The following LYPLAL1 variants were observed in gnomAD, a reference collection of about 807,000 sequenced individuals.
LYPLAL1 encodes the protein lysophospholipase-like protein 1.
LYPLAL1 carries 23 observed loss-of-function variants against 19.7 expected under a neutral mutation model. The observed-to-expected ratio is 1.17, with a 90% CI of 0.84 to 1.65. The LOEUF (loss-of-function observed/expected upper bound fraction) is 1.65. Among genes scored for constraint, LYPLAL1 ranks in the 40% most tolerant of loss-of-function variants. LYPLAL1 has a pLI of 0.00. For synonymous variants in LYPLAL1, 119 were observed against 96.3 expected, an observed-to-expected ratio of 1.24 and a Z score of -1.38; for missense variants, 355 against 279.4, an observed-to-expected ratio of 1.27 and a Z score of -1.93.
chr1:219,186,947 A>T (rs1178271111), intron 2 of LYPLAL1, among the ~76,000 whole-genome samples: 2 of 151,452 alleles, frequency 1.3e-5, no homozygotes. Context: ...GTTTTTTAAT[A>T]CACCATTTTA....
At chr1:219,285,862 A>G in the LYPLAL1 span, among the ~76,000 whole-genome samples, 17 of 152,276 alleles carry the variant, frequency 1.1e-4, no homozygotes, top group African/African-American at 3.9e-4. Flanking sequence ...AAAATGGTCA[A>G]TTTTACATTG....
the LYPLAL1 span, among the ~76,000 whole-genome samples, chr1:219,376,043 T>C: frequency 5.9e-5 from 9 of 152,288 alleles, no homozygotes; most frequent in Non-Finnish European, 1.2e-4. Context: ...ACCTGGCCTA[T>C]GCTTCCTGAT....
At chr1:219,257,613 G>T in the LYPLAL1 span, among the ~76,000 whole-genome samples, 5 of 152,016 alleles carry the variant, frequency 3.3e-5, no homozygotes, top group Non-Finnish European at 7.4e-5. Flanking sequence ...TGTATGAACT[G>T]GGAGTAGGTA....
At chr1:219,374,090 T>C in the LYPLAL1 span, among the ~76,000 whole-genome samples, 1 of 151,894 alleles carries the variant, frequency 6.6e-6, no homozygotes, top group African/African-American at 2.4e-5. Context: ...AAATATAACA[T>C]TGGTTTTACA....
At chr1:219,190,627 A>AAAAAAC (rs1657092235) in intron 2 of LYPLAL1, among the ~76,000 whole-genome samples, 1 of 149,768 alleles carries the variant, frequency 6.7e-6, no homozygotes, top group Non-Finnish European at 1.5e-5. Flanking sequence ...TCCAGTAAAA[A>AAAAAAC]AAAAAAAAAA....
At chr1:219,372,141 C>T in the LYPLAL1 span, among the ~76,000 whole-genome samples, 3 of 152,120 alleles carry the variant, frequency 2.0e-5, no homozygotes, top group African/African-American at 7.2e-5. Context: ...TCAATAAAAT[C>T]TGAAAACACA....
At chr1:219,244,784 A>G in the LYPLAL1 span, among the ~76,000 whole-genome samples, 1 of 151,972 alleles carries the variant, frequency 6.6e-6, no homozygotes, top group Non-Finnish European at 1.5e-5. Context: ...TATCGCTACT[A>G]AAAATATAAA....
the LYPLAL1 span, among the ~76,000 whole-genome samples, chr1:219,400,853 T>C: frequency 6.6e-6 from 1 of 152,216 alleles, no homozygotes; most frequent in East Asian, 1.9e-4. Context: ...TATCTAATGA[T>C]TGGAATATTC....
the LYPLAL1 span, among the ~76,000 whole-genome samples, chr1:219,275,738 AAATAT>A: frequency 2.0e-5 from 3 of 152,050 alleles, no homozygotes; most frequent in Non-Finnish European, 4.4e-5. Flanking sequence ...ATATAGAGTT[AAATAT>A]AATATGTAAA....
the LYPLAL1 span, among the ~76,000 whole-genome samples, chr1:219,384,272 A>G: frequency 6.6e-6 from 1 of 152,376 alleles, no homozygotes; most frequent in Non-Finnish European, 1.5e-5. Context: ...TCTAATGGGT[A>G]AAGGAAACTG....
the LYPLAL1 span, among the ~76,000 whole-genome samples, chr1:219,223,522 C>T: frequency 2.0e-5 from 3 of 151,958 alleles, no homozygotes; most frequent in African/African-American, 4.8e-5. Flanking sequence ...TTTGTGCTAT[C>T]CTCTCATTAT....
chr1:219,364,205 C>T, the LYPLAL1 span, among the ~76,000 whole-genome samples: 27 of 152,188 alleles, frequency 1.8e-4, no homozygotes, highest in Non-Finnish European at 2.5e-4. Context: ...CATTGAACAA[C>T]GCAATAACCC....
At chr1:219,244,813 G>A in the LYPLAL1 span, among the ~76,000 whole-genome samples, 1 of 151,434 alleles carries the variant, frequency 6.6e-6, no homozygotes, top group African/African-American at 2.4e-5. Flanking sequence ...CAGACATCGT[G>A]GTGCATGCCT....
chr1:219,216,993 C>G (rs1298905748), downstream of LYPLAL1, among the ~76,000 whole-genome samples: 1 of 152,106 alleles, frequency 6.6e-6, no homozygotes, highest in Non-Finnish European at 1.5e-5. Flanking sequence ...CCATCTTGAT[C>G]ATATTGGTCA....
At chr1:219,358,037 T>C in the LYPLAL1 span, among the ~76,000 whole-genome samples, 1 of 152,106 alleles carries the variant, frequency 6.6e-6, no homozygotes, top group East Asian at 1.9e-4. Flanking sequence ...AGGAGACATT[T>C]TGGGGTGGTG....
At chr1:219,309,309 G>T in the LYPLAL1 span, among the ~76,000 whole-genome samples, 1,786 of 152,330 alleles carry the variant, frequency 0.012, 32 homozygotes, top group African/African-American at 0.041. Flanking sequence ...TTACAGGCTA[G>T]TAGGCAGAAG....
downstream of LYPLAL1, among the ~76,000 whole-genome samples, chr1:219,216,728 CTG>C (rs777948674): frequency 3.9e-4 from 59 of 152,174 alleles, no homozygotes; most frequent in Non-Finnish European, 6.3e-4. Flanking sequence ...GTACTCTACT[CTG>C]TGAACTCTAA....
At chr1:219,332,869 G>T in the LYPLAL1 span, among the ~76,000 whole-genome samples, 36 of 144,770 alleles carry the variant, frequency 2.5e-4, no homozygotes, top group African/African-American at 8.9e-4. Context: ...CCACCTATCA[G>T]AGGCTCTGGG....
At chr1:219,290,878 T>C in the LYPLAL1 span, among the ~76,000 whole-genome samples, 1 of 152,202 alleles carries the variant, frequency 6.6e-6, no homozygotes, top group East Asian at 1.9e-4. Context: ...CAAAGTTTTG[T>C]TGAATATACT....
Sources: gnomAD v4.1 joint callset for allele counts (sites outside exome capture counted in the v4.1 genomes callset) on GRCh38, gnomAD v4.1.1 for gene constraint, MANE v1.5 for transcripts, NCBI Gene and HGNC (gene_info 2026-07-23, HGNC 2026-07-21) for gene names.